The following BUB1B variants were observed in gnomAD, a reference collection of about 807,000 sequenced individuals.
The protein encoded by BUB1B is BUB1 mitotic checkpoint serine/threonine kinase B.
Under a neutral mutation model 137.7 loss-of-function variants are expected in BUB1B, and 86 were observed. The ratio of observed to expected loss-of-function variants is 0.62; its 90% CI spans 0.52 to 0.75. The LOEUF (loss-of-function observed/expected upper bound fraction) is 0.75, where lower values mean the gene tolerates loss of function less well. BUB1B is among the 30% of genes least tolerant of loss of function. The probability of loss-of-function intolerance (pLI) is 0.00; values close to 1 mark genes in which losing one functional copy is unlikely to be tolerated. For missense variants in BUB1B, 1,130 were observed against 1,236.9 expected (o/e 0.91, Z 1.30); for synonymous variants, 420 against 417.9 (o/e 1.00, Z -0.06).
At position 40,212,567 on chromosome 15, in the gene BUB1B, T is replaced by G. The variant is rs749203600; in HGVS notation, c.2454T>G (p.Asp818Glu). 5 of 1,613,196 alleles carry G rather than the reference T, an allele frequency of 3.1e-6. No individual in the cohort carries two copies. Among genetic ancestry groups the G allele is most frequent in the Non-Finnish European group, 4.2e-6 (5 of 1,179,276 alleles). ...AGTTAAAGGAACGTTTAAATGAAGA[T>G]TTTGATCATTTTTGCAGCTGTTATC... Reference protein sequence around the residue: ...NLKLKERLNEDFDHFCSCYQY... With the variant: ...NLKLKERLNEEFDHFCSCYQY... The change falls in exon 19 of 23, where the codon GAT becomes GAG. Residue 818 changes from aspartate to glutamate, a missense_variant. By Grantham distance (45) the Asp-to-Glu change is conservative. Coordinates refer to ENST00000287598, the MANE Select transcript of BUB1B (RefSeq NM_001211.6).
At chr15:40,189,116 T>C (rs922536925) in intron 8 of BUB1B, among the ~76,000 whole-genome samples, 1 of 152,070 alleles carries the variant, frequency 6.6e-6, no homozygotes, top group Non-Finnish European at 1.5e-5. Flanking sequence ...ATTCTAGACA[T>C]CTCGTGTAAA....
At chr15:40,199,831 T>G (rs2037543244) in intron 10 of BUB1B, 104 bp downstream of exon 10, 9 of 903,928 alleles carry the variant, frequency 1.0e-5, no homozygotes, top group Admixed American at 2.1e-5. Context: ...ATTTAGAGTT[T>G]CTGGTAGTTT....
chr15:40,165,304 G>A, intron 2 of BUB1B, 108 bp downstream of exon 2: 1 of 1,447,186 alleles, frequency 6.9e-7, no homozygotes, highest in Non-Finnish European at 9.6e-7. Flanking sequence ...TTCAAAAATT[G>A]GTAGTATGAG....
intron 2 of BUB1B, 136 bp downstream of exon 2, chr15:40,165,332 C>G (rs2037083787): frequency 2.1e-5 from 24 of 1,123,046 alleles, no homozygotes; most frequent in Non-Finnish European, 3.1e-5. Context: ...TCTCTACCTG[C>G]TTTCGTATCA....
At chr15:40,208,224 A>T (rs73390187) in intron 15 of BUB1B, among the ~76,000 whole-genome samples, 12,073 of 152,134 alleles carry the variant, frequency 0.079, 1,561 homozygotes, top group African/African-American at 0.28. Context: ...AAAATAAAAG[A>T]ATAACATAAA....
chr15:40,218,705 C>A, intron 22 of BUB1B, 143 bp downstream of exon 22: 1 of 708,176 alleles, frequency 1.4e-6, no homozygotes, highest in Non-Finnish European at 2.5e-6. Flanking sequence ...ATTAGAGTAT[C>A]AGCAGAGCAG....
At chr15:40,200,574 A>G (rs1375068207) in intron 11 of BUB1B, among the ~76,000 whole-genome samples, 1 of 152,196 alleles carries the variant, frequency 6.6e-6, no homozygotes, top group African/African-American at 2.4e-5. Context: ...AAACAAATAC[A>G]TATACTGTTT....
chr15:40,213,220 C>G, intron 19 of BUB1B, 112 bp from the exon 20 acceptor site: 1 of 1,159,744 alleles, frequency 8.6e-7, no homozygotes. Flanking sequence ...GAGGTGCCTA[C>G]GTTCCAGTAG....
At chr15:40,194,949 A>T (rs2037480147) in intron 8 of BUB1B, among the ~76,000 whole-genome samples, 1 of 152,236 alleles carries the variant, frequency 6.6e-6, no homozygotes, top group South Asian at 2.1e-4. Flanking sequence ...CTTCCTTATC[A>T]TAGCAGAGGT....
Position 40,165,091 on chromosome 15 carries a change from G to C in BUB1B, c.74G>C (p.Ser25Thr). Residue 25 changes from serine to threonine, a missense_variant, in exon 2 of 23, where the codon AGT becomes ACT. By Grantham distance (58) the Ser-to-Thr change is moderately conservative. Coordinates refer to ENST00000287598, the MANE Select transcript of BUB1B (RefSeq NM_001211.6). ...CTGGAGGGAGATGAATGGGAACTGA[G>C]TAAAGAAAATGTACAACCTTTAAGG... Reference protein sequence around the residue: ...MSLEGDEWELSKENVQPLRQG... With the variant: ...MSLEGDEWELTKENVQPLRQG... 6.2e-7 allele frequency: 1 copy of C among 1,614,162 alleles called. No individual in the cohort carries two copies. Among genetic ancestry groups the C allele is most frequent in the Non-Finnish European group, 8.5e-7 (1 of 1,180,040 alleles).
At chr15:40,186,748 G>A (rs2037370476) in intron 8 of BUB1B, among the ~76,000 whole-genome samples, 1 of 151,748 alleles carries the variant, frequency 6.6e-6, no homozygotes, top group African/African-American at 2.4e-5. Context: ...CCCAGCCCTA[G>A]TCCTAATACT....
At chr15:40,167,542 C>G (rs2037115003) in intron 2 of BUB1B, among the ~76,000 whole-genome samples, 2 of 151,994 alleles carry the variant, frequency 1.3e-5, no homozygotes, top group Admixed American at 1.3e-4. Flanking sequence ...TGGGGTTTCC[C>G]CATGGCCAGG....
Position 40,170,066 on chromosome 15 carries a change from T to C in BUB1B, c.184T>C (p.Phe62Leu), listed in dbSNP as rs779439053. Residue 62 changes from phenylalanine to leucine, a missense_variant, in exon 3 of 23, where the codon TTT becomes CTT. Physicochemically the swap from Phe to Leu is conservative, Grantham distance 22. Coordinates refer to ENST00000287598, the MANE Select transcript of BUB1B (RefSeq NM_001211.6). Reference protein sequence around the residue: ...NNTLQQQKRAFEYEIRFYTGN... With the variant: ...NNTLQQQKRALEYEIRFYTGN... ...CTTTTTCTGTTTACATTTCAGGGCA[T>C]TTGAATATGAAATTCGATTTTACAC... The C allele has an allele frequency of 3.1e-6, 5 of 1,613,710 alleles. No homozygotes were observed. In the Admixed American group the frequency reaches 8.3e-5, roughly 27 times the overall value.
chr15:40,170,717 A>T, intron 4 of BUB1B, 36 bp downstream of exon 4: 1 of 1,601,404 alleles, frequency 6.2e-7, no homozygotes, highest in African/African-American at 1.3e-5. Context: ...AGTTTTAAAT[A>T]TTAAACTAAG....
chr15:40,208,798 GC>G, intron 16 of BUB1B, 28 bp downstream of exon 16: 1 of 1,586,876 alleles, frequency 6.3e-7, no homozygotes, highest in Non-Finnish European at 8.6e-7. Flanking sequence ...CTATATCCAT[GC>G]CTAGTGAACA....
intron 8 of BUB1B, 92 bp downstream of exon 8, chr15:40,185,734 G>A: frequency 8.2e-7 from 1 of 1,225,490 alleles, no homozygotes; most frequent in Non-Finnish European, 1.2e-6. Context: ...TCTTCTTTAT[G>A]AAGATGAAAG....
chr15:40,183,754 C>T lies in BUB1B; in HGVS notation c.622C>T (p.Leu208Phe), dbSNP rs1439164044. 1 of 1,613,870 alleles carries T rather than the reference C, an allele frequency of 6.2e-7. No homozygotes were observed. Among genetic ancestry groups the T allele is most frequent in the East Asian group, 2.2e-5 (1 of 44,880 alleles). Reference protein sequence around the residue: ...ARVSRQTLLALEKEEEEEVFE... With the variant: ...ARVSRQTLLAFEKEEEEEVFE... ...AGTGTCTCGGCAAACTCTGTTGGCA[C>T]TTGAGAAAGAAGAAGAGGAGGAAGT... Residue 208 changes from leucine (L) to phenylalanine (F), a missense_variant, in exon 6 of 23, where the codon CTT becomes TTT. Physicochemically the swap from Leu to Phe is conservative, Grantham distance 22. Transcript: ENST00000287598.
chr15:40,203,655 C>CT (rs1174370796), intron 14 of BUB1B, among the ~76,000 whole-genome samples: 1 of 151,920 alleles, frequency 6.6e-6, no homozygotes, highest in Admixed American at 6.6e-5. Flanking sequence ...TATAAAATAC[C>CT]TTTTTTGGCA....
intron 5 of BUB1B, among the ~76,000 whole-genome samples, chr15:40,183,410 C>G (rs1248673842): frequency 2.6e-5 from 4 of 152,164 alleles, no homozygotes; most frequent in Non-Finnish European, 5.9e-5. Flanking sequence ...TCTTAATAAA[C>G]TCTGTGATCT....
Sources: gnomAD v4.1 joint callset for allele counts (sites outside exome capture counted in the v4.1 genomes callset) on GRCh38, gnomAD v4.1.1 for gene constraint, MANE v1.5 for transcripts, NCBI Gene and HGNC (gene_info 2026-07-23, HGNC 2026-07-21) for gene names.